Variants in PPP3CA observed in about 807,000 individuals in gnomAD.
PPP3CA encodes the protein protein phosphatase 3 catalytic subunit alpha, also known as CAM-PRP catalytic subunit.
In PPP3CA, 14 loss-of-function variants were observed where a neutral mutation model predicts 66.5. The ratio of observed to expected loss-of-function variants is 0.21; its 90% CI spans 0.14 to 0.33. The LOEUF (loss-of-function observed/expected upper bound fraction) is 0.33, where lower values mean the gene tolerates loss of function less well. PPP3CA is among the 10% of genes least tolerant of loss of function. PPP3CA has a pLI of 1.00. For missense variants in PPP3CA, 317 were observed against 639.5 expected, an observed-to-expected ratio of 0.50 and a Z score of 5.44; for synonymous variants, 232 against 226.2, an observed-to-expected ratio of 1.03 and a Z score of -0.23.
chr4:101,138,088 T>G (rs1348598472), intron 2 of PPP3CA, among the ~76,000 whole-genome samples: 1 of 152,180 alleles, frequency 6.6e-6, no homozygotes, highest in African/African-American at 2.4e-5. Flanking sequence ...AAATAAGCAA[T>G]GGTTGCCTTT....
intron 1 of PPP3CA, among the ~76,000 whole-genome samples, chr4:101,233,095 A>G (rs1387521500): frequency 6.6e-6 from 1 of 151,840 alleles, no homozygotes; most frequent in Non-Finnish European, 1.5e-5. Flanking sequence ...GAAAACTATA[A>G]GACACTACAC....
intron 1 of PPP3CA, among the ~76,000 whole-genome samples, chr4:101,220,806 C>G (rs982559924): frequency 1.3e-5 from 2 of 151,562 alleles, no homozygotes; most frequent in African/African-American, 4.8e-5. Flanking sequence ...GGCAGGTGTG[C>G]CAGTCACAGT....
At chr4:101,328,677 C>T (rs1169860932) in intron 1 of PPP3CA, among the ~76,000 whole-genome samples, 3 of 152,182 alleles carry the variant, frequency 2.0e-5, no homozygotes, top group Non-Finnish European at 4.4e-5. Flanking sequence ...GCAAGTCTAG[C>T]GGTGCCATTT....
intron 2 of PPP3CA, among the ~76,000 whole-genome samples, chr4:101,155,604 A>T (rs79119680): frequency 0.013 from 2,055 of 152,294 alleles, 27 homozygotes; most frequent in Non-Finnish European, 0.019. Flanking sequence ...GAACAGATCC[A>T]TTTGGCCCCA....
chr4:101,048,400 C>T (rs1280913590), intron 10 of PPP3CA, among the ~76,000 whole-genome samples: 1 of 147,168 alleles, frequency 6.8e-6, no homozygotes, highest in Non-Finnish European at 1.5e-5. Flanking sequence ...GAGTTGACAG[C>T]TATTGGAAGA....
chr4:101,334,694 T>C (rs1435806777), intron 1 of PPP3CA, among the ~76,000 whole-genome samples: 1 of 152,184 alleles, frequency 6.6e-6, no homozygotes, highest in Non-Finnish European at 1.5e-5. Context: ...GAGAGAAGAC[T>C]TCATAAAGCA....
In PPP3CA at chr4:101,127,561, G is replaced by A. The variant is rs190833650; in HGVS notation, c.260-18483C>T. On this transcript the variant is annotated intron_variant, in intron 2 of 13. Coordinates refer to ENST00000394854, the MANE Select transcript of PPP3CA (RefSeq NM_000944.5). The stretch of plus-strand genomic sequence containing the variant: ...GAAGAGGCAAGGATCTACTTCTAGA[G>A]GTTTCAGAGGCAAGAAGGCCCCGCC... Among the ~76,000 whole-genome samples, 27 of 152,270 alleles carry A rather than the reference G, an allele frequency of 1.8e-4. 1 individual carries two copies. The highest frequency in any genetic ancestry group is 6.5e-4 in the African/African-American group (27 of 41,536).
At chr4:101,028,594 T>C (rs1015510113) in intron 13 of PPP3CA, among the ~76,000 whole-genome samples, 2 of 152,230 alleles carry the variant, frequency 1.3e-5, no homozygotes, top group African/African-American at 4.8e-5. Context: ...GTGTTAATTC[T>C]CATACAAATA....
At position 101,192,282 on chromosome 4, in the gene PPP3CA, G is replaced by A. The variant is rs1724631894; in HGVS notation, c.259+3634C>T. Among the ~76,000 whole-genome samples the A allele has an allele frequency of 3.3e-5, 5 of 152,080 alleles. 1 individual carries two copies. In the South Asian group the frequency reaches 1.0e-3, roughly 32 times the overall value. On this transcript the variant is annotated intron_variant, in intron 2 of 13. Coordinates refer to ENST00000394854, the MANE Select transcript of PPP3CA (RefSeq NM_000944.5). ...GATTAAATCCCCCTACCCTGCCATG[G>A]CTTCCTTGAACAAGTATGAAAGTTT... is the stretch of plus-strand genomic sequence containing the variant.
At chr4:101,293,454 A>G (rs1024495548) in intron 1 of PPP3CA, among the ~76,000 whole-genome samples, 4 of 152,224 alleles carry the variant, frequency 2.6e-5, no homozygotes, top group African/African-American at 9.6e-5. Context: ...AGGAAGAAAT[A>G]TTGGTCACTT....
chr4:101,063,776 T>G (rs368060193), intron 8 of PPP3CA, among the ~76,000 whole-genome samples: 1 of 151,962 alleles, frequency 6.6e-6, no homozygotes, highest in Non-Finnish European at 1.5e-5. Context: ...AAAACTTCAA[T>G]AGAACTCCCA....
intron 2 of PPP3CA, among the ~76,000 whole-genome samples, chr4:101,111,573 G>A (rs1383022241): frequency 6.6e-6 from 1 of 152,048 alleles, no homozygotes; most frequent in African/African-American, 2.4e-5. Flanking sequence ...AAGACAAAAT[G>A]GTTAATCAAA....
chr4:101,093,674 A>T, intron 6 of PPP3CA, 102 bp downstream of exon 6: 1 of 1,194,712 alleles, frequency 8.4e-7, no homozygotes, highest in South Asian at 2.5e-5. Context: ...CATTTATATT[A>T]AAGAAGTAAT....
chr4:101,242,144 G>C (rs555446128), intron 1 of PPP3CA, among the ~76,000 whole-genome samples: 2 of 152,090 alleles, frequency 1.3e-5, no homozygotes, highest in African/African-American at 4.8e-5. Context: ...AAATTCTTAA[G>C]ACTCATAGTA....
intron 2 of PPP3CA, among the ~76,000 whole-genome samples, chr4:101,143,874 G>A (rs1440303079): frequency 6.6e-6 from 1 of 152,070 alleles, no homozygotes; most frequent in Non-Finnish European, 1.5e-5. Context: ...ATATTCAGCC[G>A]ATTTAAAATG....
chr4:101,049,572 A>G (rs796863181), intron 10 of PPP3CA, among the ~76,000 whole-genome samples: 10 of 152,240 alleles, frequency 6.6e-5, no homozygotes, highest in African/African-American at 2.2e-4. Context: ...TGCTCTTGAC[A>G]TGGATGAGGA....
At chr4:101,298,111 T>C (rs1441109973) in intron 1 of PPP3CA, among the ~76,000 whole-genome samples, 2 of 152,072 alleles carry the variant, frequency 1.3e-5, no homozygotes, top group African/African-American at 4.8e-5. Flanking sequence ...CCTAGGACTG[T>C]AGTATTTCTC....
At chr4:101,169,066 G>A (rs145815066) in intron 2 of PPP3CA, among the ~76,000 whole-genome samples, 76 of 152,276 alleles carry the variant, frequency 5.0e-4, no homozygotes, top group African/African-American at 1.7e-3. Flanking sequence ...AGGAAATTGA[G>A]ACGCTCACTT....
intron 10 of PPP3CA, among the ~76,000 whole-genome samples, chr4:101,042,102 C>G (rs959369211): frequency 1.3e-5 from 2 of 151,316 alleles, no homozygotes; most frequent in African/African-American, 4.9e-5. Flanking sequence ...AATTAATATG[C>G]CAACATTTCC....
Sources: gnomAD v4.1 joint callset for allele counts (sites outside exome capture counted in the v4.1 genomes callset) on GRCh38, gnomAD v4.1.1 for gene constraint, MANE v1.5 for transcripts, NCBI Gene and HGNC (gene_info 2026-07-23, HGNC 2026-07-21) for gene names.